Variants in CCDC177 observed in about 807,000 individuals in gnomAD.
The protein encoded by CCDC177 is coiled-coil domain-containing protein 177.
Under a neutral mutation model 7.3 loss-of-function variants are expected in CCDC177, and 2 were observed. The observed-to-expected ratio is 0.28, with a 90% CI of 0.11 to 0.87. The LOEUF (loss-of-function observed/expected upper bound fraction) is 0.87. CCDC177 is among the 40% of genes least tolerant of loss of function. CCDC177 has a pLI of 0.61. For synonymous variants in CCDC177, 401 were observed against 449.2 expected, an observed-to-expected ratio of 0.89 and a Z score of 1.36; for missense variants, 874 against 970.5, an observed-to-expected ratio of 0.90 and a Z score of 1.32.
At position 69,572,460 on chromosome 14, in the gene CCDC177, A is replaced by C. The variant is rs1480145847; in HGVS notation, c.1163T>G (p.Leu388Arg). 2 of 1,229,002 alleles carry C rather than the reference A, an allele frequency of 1.6e-6. No homozygotes were observed. 76.1% of individuals were successfully genotyped at this position (1,229,002 alleles called of 1,614,324 possible). A position where few individuals can be genotyped will look rare whatever the true frequency, so the allele number is the denominator to read the frequency against. The stretch of plus-strand genomic sequence containing the variant: ...GGCCCAGGCTCGGCGGCCCTGCTCT[A>C]GGGCGCGCTGCTTCTCCCGCTCCTC... ...EREEREKQRA[L>R]EQGRRAWAAQ... Residue 388 changes from leucine to arginine, a missense_variant, in exon 2 of 2, where the codon CTA becomes CGA. By Grantham distance (102) the Leu-to-Arg change is moderately radical. Transcript: ENST00000599174.
chr14:69,573,007 G>T lies in CCDC177; in HGVS notation c.616C>A (p.Arg206Ser). The T allele has an allele frequency of 8.1e-7, 1 of 1,230,394 alleles. No homozygotes were observed. The highest frequency in any genetic ancestry group is 1.0e-6 in the Non-Finnish European group (1 of 987,318). 76.2% of individuals were successfully genotyped at this position (1,230,394 alleles called of 1,614,324 possible). The stretch of plus-strand genomic sequence containing the variant: ...GAGGAGGGACTAGGGGAAGCCTTGC[G>T]GGCCGCACGCGGCGCGGGCGAGGCC... ...LPASPAPRAA[R>S]KASPSPSSAR... Residue 206 changes from arginine to serine, a missense_variant, in exon 2 of 2, where the codon CGC (arginine) becomes AGC (serine). Physicochemically the swap from Arg to Ser is moderately radical, Grantham distance 110. Transcript: ENST00000599174.
At position 69,572,159 on chromosome 14, in the gene CCDC177, G is replaced by T; in HGVS notation, c.1464C>A (p.Arg488=). The T allele has an allele frequency of 1.6e-6, 2 of 1,229,756 alleles. No individual in the cohort carries two copies. Among genetic ancestry groups the T allele is most frequent in the Non-Finnish European group, 2.0e-6 (2 of 986,796 alleles). 76.2% of individuals were successfully genotyped at this position (1,229,756 alleles called of 1,614,324 possible). Residue 488 remains arginine (R), a synonymous_variant, in exon 2 of 2, where the codon CGC becomes CGA. Coordinates refer to ENST00000599174, the MANE Select transcript of CCDC177 (RefSeq NM_001271507.2). The part of the protein sequence containing the change: ...IRRERAQRAA[R]AKQRQEGQLQ... Reference sequence around the variant, plus strand: ...GCTGGCCCTCCTGCCGCTGCTTGGCGCGGGCCGCGCGCTGGGCGCGCTCCC... The same window carrying T: ...GCTGGCCCTCCTGCCGCTGCTTGGCTCGGGCCGCGCGCTGGGCGCGCTCCC...
rs1013118839 is a variant in CCDC177, at chr14:69,572,598, G to A, written c.1025C>T (p.Ala342Val). The A allele has an allele frequency of 8.1e-7, 1 of 1,231,264 alleles. No individual in the cohort carries two copies. The highest frequency in any genetic ancestry group is 4.2e-5 in the Admixed American group (1 of 23,710). 76.3% of individuals were successfully genotyped at this position (1,231,264 alleles called of 1,614,324 possible). The change falls in exon 2 of 2, where the codon GCG becomes GTG. Residue 342 changes from alanine to valine, a missense_variant. Ala to Val is a moderately conservative substitution (Grantham distance 64). Transcript: ENST00000599174. ...RGVPERDRKI[A>V]ALMLARHQEE... The stretch of plus-strand genomic sequence containing the variant: ...CTGGTGCCGCGCCAGCATGAGCGCC[G>A]CGATCTTCCGGTCACGCTCCGGCAC...
Position 69,571,171 on chromosome 14 carries a change from G to T in CCDC177, c.*328C>A, listed in dbSNP as rs1373024340. The stretch of plus-strand genomic sequence containing the variant: ...AACCACCTCTGCCCTCTCCTGGGGG[G>T]CCCTCTCACCAGTCCTGATCAGCCC... On this transcript the variant is annotated 3_prime_UTR_variant, in exon 2 of 2. Transcript: ENST00000599174. 1.9e-6 allele frequency: 1 copy of T among 518,452 alleles called. No individual in the cohort carries two copies. The highest frequency in any genetic ancestry group is 1.9e-5 in the South Asian group (1 of 52,466). The allele number at this position is 518,452 out of a possible 1,614,324, so 32.1% of individuals were successfully genotyped here. A position where few individuals can be genotyped will look rare whatever the true frequency, so the allele number is the denominator to read the frequency against.
At position 69,572,155 on chromosome 14, in the gene CCDC177, TGGCGCGGGCCGCGCGCTG is replaced by T. The variant is rs756618773; in HGVS notation, c.1450_1467del (p.Gln484_Ala489del). The T allele has an allele frequency of 2.0e-4, 252 of 1,230,528 alleles. No homozygotes were observed. The highest frequency in any genetic ancestry group is 2.9e-4 in the African/African-American group (19 of 64,424). The allele number at this position is 1,230,528 out of a possible 1,614,324, so 76.2% of individuals were successfully genotyped here. A position where few individuals can be genotyped will look rare whatever the true frequency, so the allele number is the denominator to read the frequency against. The stretch of plus-strand genomic sequence containing the variant: ...TGCAGCTGGCCCTCCTGCCGCTGCT[TGGCGCGGGCCGCGCGCTG>T]GGCGCGCTCCCTGCGGATCTGCTCA... On this transcript the variant is annotated inframe_deletion, in exon 2 of 2. Transcript: ENST00000599174.
At position 69,571,312 on chromosome 14, in the gene CCDC177, A is replaced by T; in HGVS notation, c.*187T>A. ...CAGATTGTGCTGTCATCTCCAAATG[A>T]AGTAAGTTTTAAAAACAAAGGGGGC... On this transcript the variant is annotated 3_prime_UTR_variant, in exon 2 of 2. Transcript: ENST00000599174. The T allele has an allele frequency of 1.8e-6, 1 of 546,274 alleles. No individual in the cohort carries two copies. Among genetic ancestry groups the T allele is most frequent in the Non-Finnish European group, 3.2e-6 (1 of 312,910 alleles). The allele number at this position is 546,274 out of a possible 1,614,324, so 33.8% of individuals were successfully genotyped here.
rs1884363658 is a variant in CCDC177, at chr14:69,572,944, C to T, written c.679G>A (p.Gly227Ser). 1 of 1,231,332 alleles carries T rather than the reference C, an allele frequency of 8.1e-7. No individual in the cohort carries two copies. The highest frequency in any genetic ancestry group is 1.0e-6 in the Non-Finnish European group (1 of 987,710). The allele number at this position is 1,231,332 out of a possible 1,614,324, so 76.3% of individuals were successfully genotyped here. ...TQPPPAGSRTGRKSHSLDSLS... is the reference protein window; with the variant it reads ...TQPPPAGSRTSRKSHSLDSLS... ...GAGTCCAGCGAATGGCTCTTCCTGC[C>T]TGTTCGAGAACCCGCTGGCGGAGGT... The change falls in exon 2 of 2, where the codon GGC becomes AGC. Residue 227 changes from glycine to serine, a missense_variant. Coordinates refer to ENST00000599174, the MANE Select transcript of CCDC177 (RefSeq NM_001271507.2).
Position 69,572,611 on chromosome 14 carries a change from C to G in CCDC177, c.1012G>C (p.Asp338His). Reference sequence around the variant, plus strand: ...AGCATGAGCGCCGCGATCTTCCGGTCACGCTCCGGCACCCCGCGCAGGCCG... The same window carrying G: ...AGCATGAGCGCCGCGATCTTCCGGTGACGCTCCGGCACCCCGCGCAGGCCG... ...ERGLRGVPER[D>H]RKIAALMLAR... is the part of the protein sequence containing the mutation. Residue 338 changes from aspartate to histidine, a missense_variant, in exon 2 of 2, where the codon GAC (aspartate) becomes CAC (histidine). Coordinates refer to ENST00000599174, the MANE Select transcript of CCDC177 (RefSeq NM_001271507.2). 8.1e-7 allele frequency: 1 copy of G among 1,231,280 alleles called. No homozygotes were observed. 76.3% of individuals were successfully genotyped at this position (1,231,280 alleles called of 1,614,324 possible). A position where few individuals can be genotyped will look rare whatever the true frequency, so the allele number is the denominator to read the frequency against.
At chr14:69,573,760 G>T in intron 1 of CCDC177, 110 bp from the exon 2 acceptor site, 1 of 992,176 alleles carries the variant, frequency 1.0e-6, no homozygotes, top group Non-Finnish European at 1.3e-6. Flanking sequence ...AGGCTCAGAG[G>T]CTTTGGTGGA....
Position 69,573,213 on chromosome 14 carries a change from T to G in CCDC177, c.410A>C (p.Tyr137Ser), listed in dbSNP as rs1160990436. Residue 137 changes from tyrosine (Y) to serine (S), a missense_variant, in exon 2 of 2, where the codon TAC becomes TCC. Transcript: ENST00000599174. ...CAGCTTGGCGCGCCGCTCCGCCTCGTAGGCCTCATACAGGCCGGTGGCCAC... is the reference window on the plus strand; with the variant it reads ...CAGCTTGGCGCGCCGCTCCGCCTCGGAGGCCTCATACAGGCCGGTGGCCAC... ...MRVATGLYEA[Y>S]EAERRAKLQQ... 8.1e-7 allele frequency: 1 copy of G among 1,230,664 alleles called. No individual in the cohort carries two copies. The highest frequency in any genetic ancestry group is 1.6e-5 in the African/African-American group (1 of 64,298). 76.2% of individuals were successfully genotyped at this position (1,230,664 alleles called of 1,614,324 possible). A position where few individuals can be genotyped will look rare whatever the true frequency, so the allele number is the denominator to read the frequency against.
In CCDC177 at chr14:69,572,869, A is replaced by G; in HGVS notation, c.754T>C (p.Ser252Pro). 8.1e-7 allele frequency: 1 copy of G among 1,230,898 alleles called. No homozygotes were observed. Among genetic ancestry groups the G allele is most frequent in the Non-Finnish European group, 1.0e-6 (1 of 987,456 alleles). The allele number at this position is 1,230,898 out of a possible 1,614,324, so 76.2% of individuals were successfully genotyped here. ...AAGCTTTCCCCACTGTAGGATGACG[A>G]CGATGCGCCCGACTCGGAGCTGAGG... ...GALSSESGAS[S>P]SSYSGESLRE... The change falls in exon 2 of 2, where the codon TCG becomes CCG. Residue 252 changes from serine to proline, a missense_variant. Physicochemically the swap from Ser to Pro is moderately conservative, Grantham distance 74. Coordinates refer to ENST00000599174, the MANE Select transcript of CCDC177 (RefSeq NM_001271507.2).
Position 69,572,783 on chromosome 14 carries a change from C to T in CCDC177, c.840G>A (p.Ala280=), listed in dbSNP as rs1595012630. 1.6e-6 allele frequency: 2 copies of T among 1,230,818 alleles called. No homozygotes were observed. The highest frequency in any genetic ancestry group is 2.0e-6 in the Non-Finnish European group (2 of 987,638). The allele number at this position is 1,230,818 out of a possible 1,614,324, so 76.2% of individuals were successfully genotyped here. Residue 280 remains alanine, a synonymous_variant, in exon 2 of 2, where the codon GCG becomes GCA. Transcript: ENST00000599174. The part of the protein sequence containing the change: ...SARNSCPAGS[A]SSTTNAPGRP... ...GGCCCGGAGCGTTGGTGGTGGAGGA[C>T]GCCGACCCCGCTGGGCAGCTGTTCC...
In CCDC177 at chr14:69,570,331, T is replaced by G; in HGVS notation, c.*1168A>C. On this transcript the variant is annotated 3_prime_UTR_variant, in exon 2 of 2. Transcript: ENST00000599174. ...AAGGTGAGGCATTGAGAGGGTGAAATGCTTTCAGGCATAGGTGAGGGGGTA... is the reference window on the plus strand; with the variant it reads ...AAGGTGAGGCATTGAGAGGGTGAAAGGCTTTCAGGCATAGGTGAGGGGGTA... 6.1e-6 allele frequency: 1 copy of G among 162,888 alleles called. No individual in the cohort carries two copies. The highest frequency in any genetic ancestry group is 5.7e-5 in the Admixed American group (1 of 17,616). The allele number at this position is 162,888 out of a possible 1,614,324, so 10.1% of individuals were successfully genotyped here. A position where few individuals can be genotyped will look rare whatever the true frequency, so the allele number is the denominator to read the frequency against.
chr14:69,572,768 G>T lies in CCDC177; in HGVS notation c.855C>A (p.Asn285Lys), dbSNP rs1015879601. 6 of 1,230,442 alleles carry T rather than the reference G, an allele frequency of 4.9e-6. No homozygotes were observed. The highest frequency in any genetic ancestry group is 6.1e-6 in the Non-Finnish European group (6 of 987,452). 76.2% of individuals were successfully genotyped at this position (1,230,442 alleles called of 1,614,324 possible). ...TCAGGGCAGACGGGCGGCCCGGAGC[G>T]TTGGTGGTGGAGGACGCCGACCCCG... ...CPAGSASSTT[N>K]APGRPSALTL... Residue 285 changes from asparagine to lysine, a missense_variant, in exon 2 of 2, where the codon AAC becomes AAA. Asn to Lys is a moderately conservative substitution (Grantham distance 94). Coordinates refer to ENST00000599174, the MANE Select transcript of CCDC177 (RefSeq NM_001271507.2).
In CCDC177 at chr14:69,571,682, G is replaced by T. The variant is rs1884327391; in HGVS notation, c.1941C>A (p.Ile647=). Residue 647 remains isoleucine (I), a synonymous_variant, in exon 2 of 2, where the codon ATC becomes ATA. Coordinates refer to ENST00000599174, the MANE Select transcript of CCDC177 (RefSeq NM_001271507.2). The stretch of plus-strand genomic sequence containing the variant: ...GCTCGCTGCGCTCCAGCTTGCGCCC[G>T]ATGGCCTGGAGTAGCTCTCGCCGGC... The part of the protein sequence containing the change: ...DCRRRELLQA[I]GRKLERSEQL... 4 of 1,232,054 alleles carry T rather than the reference G, an allele frequency of 3.2e-6. No homozygotes were observed. The highest frequency in any genetic ancestry group is 1.5e-5 in the African/African-American group (1 of 64,542). The allele number at this position is 1,232,054 out of a possible 1,614,324, so 76.3% of individuals were successfully genotyped here.
In CCDC177 at chr14:69,571,896, C is replaced by A; in HGVS notation, c.1727G>T (p.Arg576Leu). 1 of 1,231,778 alleles carries A rather than the reference C, an allele frequency of 8.1e-7. No homozygotes were observed. Among genetic ancestry groups the A allele is most frequent in the Non-Finnish European group, 1.0e-6 (1 of 988,066 alleles). 76.3% of individuals were successfully genotyped at this position (1,231,778 alleles called of 1,614,324 possible). The change falls in exon 2 of 2, where the codon CGC becomes CTC. Residue 576 changes from arginine to leucine, a missense_variant. By Grantham distance (102) the Arg-to-Leu change is moderately radical. Transcript: ENST00000599174. ...GTGCGCCTGATGTTCCCGCTCTTTG[C>A]GCTCTGCCGCCTCCTTGGCCCGCCG... ...QGRRAKEAAERKEREHQAHLE... is the reference protein window; with the variant it reads ...QGRRAKEAAELKEREHQAHLE...
Position 69,572,762 on chromosome 14 carries a change from C to T in CCDC177, c.861G>A (p.Pro287=), listed in dbSNP as rs1004488342. 6.1e-5 allele frequency: 75 copies of T among 1,231,566 alleles called. 1 individual carries two copies. In the East Asian group the frequency reaches 1.6e-3, roughly 27 times the overall value. 76.3% of individuals were successfully genotyped at this position (1,231,566 alleles called of 1,614,324 possible). Residue 287 remains proline (P), a synonymous_variant, in exon 2 of 2, where the codon CCG becomes CCA. Coordinates refer to ENST00000599174, the MANE Select transcript of CCDC177 (RefSeq NM_001271507.2). The part of the protein sequence containing the change: ...AGSASSTTNA[P]GRPSALTLVP... ...CCAGGGTCAGGGCAGACGGGCGGCC[C>T]GGAGCGTTGGTGGTGGAGGACGCCG...
At position 69,570,522 on chromosome 14, in the gene CCDC177, C is replaced by A. The variant is rs1884300690; in HGVS notation, c.*977G>T. 4 of 323,402 alleles carry A rather than the reference C, an allele frequency of 1.2e-5. No homozygotes were observed. The highest frequency in any genetic ancestry group is 2.4e-5 in the Non-Finnish European group (4 of 164,216). The allele number at this position is 323,402 out of a possible 1,614,324, so 20.0% of individuals were successfully genotyped here. On this transcript the variant is annotated 3_prime_UTR_variant, in exon 2 of 2. Coordinates refer to ENST00000599174, the MANE Select transcript of CCDC177 (RefSeq NM_001271507.2). ...GTCCTCAGAGAAGTAGAGATGATTC[C>A]TTCACAGAGGGAATCCTACACTCCA...
chr14:69,572,516 C>T lies in CCDC177; in HGVS notation c.1107G>A (p.Gln369=). ...CCCGCCGCTGCTTGGCGTGCACGCG[C>T]TGCAGCTCCCACTGGCCGTGGGCAG... ...RAAAHGQWEL[Q]RVHAKQRRER... is the part of the protein sequence containing the mutation. The change falls in exon 2 of 2, where the codon CAG becomes CAA. Residue 369 remains glutamine (Q), a synonymous_variant. Transcript: ENST00000599174. 8.1e-7 allele frequency: 1 copy of T among 1,231,062 alleles called. No individual in the cohort carries two copies. The highest frequency in any genetic ancestry group is 1.0e-6 in the Non-Finnish European group (1 of 987,494). 76.3% of individuals were successfully genotyped at this position (1,231,062 alleles called of 1,614,324 possible).
Sources: gnomAD v4.1 joint callset for allele counts on GRCh38, gnomAD v4.1.1 for gene constraint, MANE v1.5 for transcripts, NCBI Gene and HGNC (gene_info 2026-07-23, HGNC 2026-07-21) for gene names.